CDC42BPA: variants seen among roughly 807,000 people sequenced by gnomAD.
CDC42BPA encodes CDC42 binding protein kinase alpha.
A neutral mutation model predicts 223.5 loss-of-function variants in CDC42BPA; 80 were observed. The observed-to-expected ratio is 0.36, with a 90% confidence interval of 0.30 to 0.43. CDC42BPA has a LOEUF of 0.43. CDC42BPA is among the 20% of genes least tolerant of loss of function. The pLI, the probability that CDC42BPA is intolerant of heterozygous loss-of-function variation, is 1.00. For missense variants in CDC42BPA, 1,743 were observed against 2,099.9 expected, an observed-to-expected ratio of 0.83 and a Z score of 3.32; for synonymous variants, 694 against 718.6, an observed-to-expected ratio of 0.97 and a Z score of 0.55.
At chr1:227,010,845 G>A (rs1325417108) in intron 34 of CDC42BPA, 1 of 1,281,256 alleles carries the variant, frequency 7.8e-7, no homozygotes. Flanking sequence ...TACATGGTTA[G>A]TGAAAGTTAA....
intron 5 of CDC42BPA, among the ~76,000 whole-genome samples, chr1:227,174,400 T>G (rs894509639): frequency 2.0e-5 from 3 of 152,128 alleles, no homozygotes; most frequent in African/African-American, 7.2e-5. Context: ...TGCCAAATCA[T>G]ACCCACAAAT....
intron 1 of CDC42BPA, among the ~76,000 whole-genome samples, chr1:227,307,576 A>G (rs1692781468): frequency 6.6e-6 from 1 of 152,216 alleles, no homozygotes; most frequent in Non-Finnish European, 1.5e-5. Context: ...TGTGCTTTGT[A>G]ATATCCAAAG....
chr1:227,135,363 G>C (rs72750169), intron 10 of CDC42BPA, among the ~76,000 whole-genome samples: 25,341 of 152,096 alleles, frequency 0.17, 2,268 homozygotes, highest in Non-Finnish European at 0.19. Flanking sequence ...AGCTGCTTGA[G>C]GAAGAGAATC....
chr1:227,304,746 A>G (rs1692266298), intron 1 of CDC42BPA, among the ~76,000 whole-genome samples: 1 of 152,324 alleles, frequency 6.6e-6, no homozygotes, highest in South Asian at 2.1e-4. Context: ...TTAATTAGTA[A>G]AAGAGTCAAA....
chr1:227,046,817 T>C (rs1004796924), intron 23 of CDC42BPA, among the ~76,000 whole-genome samples: 25 of 152,256 alleles, frequency 1.6e-4, no homozygotes, highest in Admixed American at 1.6e-3. Context: ...GGAGTATGCT[T>C]TACTATCCTT....
chr1:227,014,909 C>T (rs1306371586), intron 34 of CDC42BPA, among the ~76,000 whole-genome samples: 1 of 152,146 alleles, frequency 6.6e-6, no homozygotes, highest in African/African-American at 2.4e-5. Flanking sequence ...TTAAACATGA[C>T]CGGTCTGAGA....
At chr1:227,306,451 A>G (rs1460549833) in intron 1 of CDC42BPA, among the ~76,000 whole-genome samples, 3 of 152,214 alleles carry the variant, frequency 2.0e-5, no homozygotes, top group Admixed American at 6.5e-5. Context: ...ACTTAATCAC[A>G]GCCTCAAGCA....
At chr1:227,142,916 C>G (rs1252400055) in intron 9 of CDC42BPA, 29 bp downstream of exon 9, 2 of 1,499,394 alleles carry the variant, frequency 1.3e-6, no homozygotes, top group Non-Finnish European at 1.8e-6. Context: ...CTGCACTTGG[C>G]CCAAACTATG....
At chr1:227,191,071 C>T (rs1160062630) in intron 5 of CDC42BPA, among the ~76,000 whole-genome samples, 1 of 152,054 alleles carries the variant, frequency 6.6e-6, no homozygotes, top group African/African-American at 2.4e-5. Flanking sequence ...AGGCCGGGCA[C>T]GGTGGCTCAT....
intron 21 of CDC42BPA, among the ~76,000 whole-genome samples, chr1:227,064,868 T>C (rs540198929): frequency 7.2e-5 from 11 of 151,956 alleles, no homozygotes; most frequent in South Asian, 2.1e-4. Flanking sequence ...GAGGCCGAGG[T>C]GGGCAGATCA....
At chr1:227,083,506 G>T (rs1194072928) in intron 16 of CDC42BPA, among the ~76,000 whole-genome samples, 1 of 152,066 alleles carries the variant, frequency 6.6e-6, no homozygotes, top group African/African-American at 2.4e-5. Context: ...ACTCCTGCGG[G>T]TCTGTTTCTA....
In CDC42BPA at chr1:227,183,495, G is replaced by A. The variant is rs1339224029; in HGVS notation, c.599+10291C>T. 4 of 152,294 alleles carry A rather than the reference G, an allele frequency of 2.6e-5. No individual in the cohort carries two copies. The South Asian group carries it at 6.2e-4, about 24-fold the overall frequency. 9.4% of individuals were successfully genotyped at this position (152,294 alleles called of 1,614,324 possible). A position where few individuals can be genotyped will look rare whatever the true frequency, so the allele number is the denominator to read the frequency against. Reference sequence around the variant, plus strand: ...TCTTCTCACAAAGCATAACACCCTTGAGGCCCCTCCGGGTTATTGTATATA... The same window carrying A: ...TCTTCTCACAAAGCATAACACCCTTAAGGCCCCTCCGGGTTATTGTATATA... On this transcript the variant is annotated intron_variant, in intron 5 of 36. Coordinates refer to ENST00000366766, the MANE Select transcript of CDC42BPA (RefSeq NM_001394014.1).
At chr1:227,121,758 T>G (rs993538589) in intron 11 of CDC42BPA, among the ~76,000 whole-genome samples, 5 of 152,102 alleles carry the variant, frequency 3.3e-5, no homozygotes, top group African/African-American at 1.2e-4. Context: ...ATTTTCTAGT[T>G]TAAGTTTTTA....
chr1:227,255,076 T>C (rs1227163181), intron 1 of CDC42BPA, among the ~76,000 whole-genome samples: 1 of 152,226 alleles, frequency 6.6e-6, no homozygotes, highest in Non-Finnish European at 1.5e-5. Context: ...TTATTAATAA[T>C]TTTAACTGGT....
chr1:227,178,290 CAT>C (rs1043699638), intron 5 of CDC42BPA: 6 of 152,384 alleles, frequency 3.9e-5, no homozygotes, highest in Admixed American at 3.3e-4. Flanking sequence ...GAATACATCT[CAT>C]GAGATCTGAT....
rs751418063 is a variant in CDC42BPA, at chr1:227,119,838, T to A, written c.1613A>T (p.Lys538Ile). The A allele has an allele frequency of 6.3e-7, 1 of 1,596,060 alleles. No homozygotes were observed. Among genetic ancestry groups the A allele is most frequent in the Non-Finnish European group, 8.6e-7 (1 of 1,168,490 alleles). Reference sequence around the variant, plus strand: ...ATCTTCTCTTTCTTGTTGTAACGTTTTGATTTGTTTTTCATAAGCCTTGAT... The same window carrying A: ...ATCTTCTCTTTCTTGTTGTAACGTTATGATTTGTTTTTCATAAGCCTTGAT... ...RQIKAYEKQI[K>I]TLQQEREDLN... The change falls in exon 12 of 37, where the codon AAA becomes ATA. Residue 538 changes from lysine to isoleucine, a missense_variant. By Grantham distance (102) the Lys-to-Ile change is moderately radical. Transcript: ENST00000366766.
chr1:227,026,237 T>C, intron 30 of CDC42BPA, 85 bp from the exon 31 acceptor site: 1 of 698,830 alleles, frequency 1.4e-6, no homozygotes, highest in Non-Finnish European at 2.4e-6. Flanking sequence ...ACTAAATAAC[T>C]GTAGAGTGGA....
At position 227,000,253 on chromosome 1, in the gene CDC42BPA, T is replaced by C. The variant is rs1238759086; in HGVS notation, c.4975+4741A>G. On this transcript the variant is annotated intron_variant, in intron 35 of 36. Coordinates refer to ENST00000366766, the MANE Select transcript of CDC42BPA (RefSeq NM_001394014.1). The stretch of plus-strand genomic sequence containing the variant: ...CACCACTGGGTTTCTCCACATGCAC[T>C]GGTCTTCATTTGTTGACATATTTCT... 2.0e-5 allele frequency among the ~76,000 whole-genome samples: 3 copies of C among 152,144 alleles called. No homozygotes were observed. The East Asian group carries it at 5.8e-4, about 29-fold the overall frequency.
At chr1:227,131,501 T>C (rs569579400) in intron 10 of CDC42BPA, among the ~76,000 whole-genome samples, 1 of 152,360 alleles carries the variant, frequency 6.6e-6, no homozygotes, top group Non-Finnish European at 1.5e-5. Flanking sequence ...TCTGGGTCTC[T>C]GGATATGTGC....
Sources: gnomAD v4.1 joint callset for allele counts (sites outside exome capture counted in the v4.1 genomes callset) on GRCh38, gnomAD v4.1.1 for gene constraint, MANE v1.5 for transcripts, NCBI Gene and HGNC (gene_info 2026-07-23, HGNC 2026-07-21) for gene names.